The following FSCN3 variants were observed in gnomAD, a reference collection of about 807,000 sequenced individuals.
The protein encoded by FSCN3 is fascin actin-bundling protein 3.
FSCN3 carries 43 observed loss-of-function variants against 53.5 expected under a neutral mutation model. That is an observed-to-expected ratio of 0.80 (90% CI 0.63 to 1.04). The LOEUF is 1.04. FSCN3 is among the 50% of genes least tolerant of loss of function. The pLI is 0.00. For synonymous variants in FSCN3, 235 were observed against 246.6 expected, an observed-to-expected ratio of 0.95 and a Z score of 0.44; for missense variants, 594 against 646.5, an observed-to-expected ratio of 0.92 and a Z score of 0.88.
Position 127,594,084 on chromosome 7 carries a change from GTGTA to G in FSCN3, c.144+91_144+94del, listed in dbSNP as rs376917622. 4.7e-3 allele frequency: 5,737 copies of G among 1,218,070 alleles called. 146 individuals carry two copies. The highest frequency in any genetic ancestry group is 0.033 in the East Asian group (843 of 25,594). 75.5% of individuals were successfully genotyped at this position (1,218,070 alleles called of 1,614,324 possible). On this transcript the variant is annotated intron_variant, in intron 1 of 6. Coordinates refer to ENST00000265825, the MANE Select transcript of FSCN3 (RefSeq NM_020369.3). The stretch of plus-strand genomic sequence containing the variant: ...TGCGCGCGCGCGTGTGTGTGCGTGA[GTGTA>G]TGTGTGTGTGTGTGTGTATGTACTT...
In FSCN3 at chr7:127,600,324, C is replaced by T. The variant is rs934178700; in HGVS notation, c.1422C>T (p.Tyr474=). 1.2e-6 allele frequency: 2 copies of T among 1,612,972 alleles called. No homozygotes were observed. The highest frequency in any genetic ancestry group is 2.7e-5 in the African/African-American group (2 of 75,048). Residue 474 remains tyrosine (Y), a synonymous_variant, in exon 6 of 7, where the codon TAC becomes TAT. Coordinates refer to ENST00000265825, the MANE Select transcript of FSCN3 (RefSeq NM_020369.3). ...LLTVLAPNGF[Y]MRADQSGTLL... ...CTGTACTGGCCCCCAATGGCTTCTA[C>T]ATGCGAGCCGACCAAAGTGGCACCC...
chr7:127,598,234 G>A (rs114203378), intron 3 of FSCN3, among the ~76,000 whole-genome samples: 147 of 152,188 alleles, frequency 9.7e-4, no homozygotes, highest in African/African-American at 3.4e-3. Flanking sequence ...CTGTGCTCTG[G>A]GATACAGCAC....
intron 2 of FSCN3, 72 bp downstream of exon 2, chr7:127,596,075 T>C (rs1388526274): frequency 1.3e-6 from 2 of 1,494,018 alleles, no homozygotes; most frequent in African/African-American, 1.4e-5. Flanking sequence ...GTGTTTGGGA[T>C]CAGCACAGAT....
At chr7:127,594,582 A>T (rs766372246) in intron 1 of FSCN3, 5 of 471,012 alleles carry the variant, frequency 1.1e-5, no homozygotes, top group African/African-American at 2.0e-5. Flanking sequence ...CAGGTGGGAA[A>T]GCAGAATTGT....
chr7:127,596,128 A>G, intron 2 of FSCN3, 125 bp downstream of exon 2: 1 of 1,487,398 alleles, frequency 6.7e-7, no homozygotes, highest in Non-Finnish European at 8.9e-7. Flanking sequence ...ACCCAAGGGG[A>G]TCTTTTGTGC....
Position 127,600,482 on chromosome 7 carries a change from G to A in FSCN3, c.*83G>A. 5.0e-6 allele frequency: 4 copies of A among 802,976 alleles called. 1 individual carries two copies. The South Asian group carries it at 6.2e-5, about 12-fold the overall frequency. The allele number at this position is 802,976 out of a possible 1,614,324, so 49.7% of individuals were successfully genotyped here. A position where few individuals can be genotyped will look rare whatever the true frequency, so the allele number is the denominator to read the frequency against. ...AAGGGAGGTGGGTGGGGAGGCATGT[G>A]ATGGGAAGACCAAAATGCACTCCCA... On this transcript the variant is annotated intron_variant, in intron 6 of 6. Coordinates refer to ENST00000265825, the MANE Select transcript of FSCN3 (RefSeq NM_020369.3).
intron 2 of FSCN3, 26 bp from the exon 3 acceptor site, chr7:127,596,302 T>C (rs892010770): frequency 7.0e-6 from 11 of 1,566,766 alleles, no homozygotes; most frequent in Middle Eastern, 1.7e-4. Flanking sequence ...AGGGGAGGCT[T>C]TTACTGACAT....
At chr7:127,596,683 T>C (rs1219689036) in intron 3 of FSCN3, 2 of 270,268 alleles carry the variant, frequency 7.4e-6, no homozygotes, top group Admixed American at 1.0e-4. Flanking sequence ...ATGTATAAAT[T>C]ATGTATATTA....
At chr7:127,594,543 T>C (rs932061950) in intron 1 of FSCN3, 18 of 470,958 alleles carry the variant, frequency 3.8e-5, no homozygotes, top group African/African-American at 3.6e-4. Context: ...ACAGGGTGGT[T>C]GTGTCAGAAA....
intron 3 of FSCN3, 193 bp downstream of exon 3, chr7:127,596,639 T>C (rs1794394111): frequency 5.1e-6 from 2 of 391,418 alleles, no homozygotes; most frequent in African/African-American, 2.1e-5. Flanking sequence ...TATTAAGGTA[T>C]AATTTGAAAG....
chr7:127,596,975 A>G (rs2117429463), intron 3 of FSCN3, among the ~76,000 whole-genome samples: 1 of 152,386 alleles, frequency 6.6e-6, no homozygotes, highest in Middle Eastern at 3.4e-3. Flanking sequence ...AACATACAGT[A>G]TGTATGGTAC....
At chr7:127,594,802 A>G (rs550715883) in intron 1 of FSCN3, 47 of 471,558 alleles carry the variant, frequency 1.0e-4, no homozygotes, top group Non-Finnish European at 1.8e-4. Flanking sequence ...TGAACCAGGC[A>G]GTTGCATCTG....
At chr7:127,595,230 C>T (rs1466937236) in intron 1 of FSCN3, 77 bp from the exon 2 acceptor site, 2 of 1,299,622 alleles carry the variant, frequency 1.5e-6, no homozygotes, top group East Asian at 4.6e-5. Flanking sequence ...GTGATACCAG[C>T]CATGACAGTT....
chr7:127,599,861 C>T (rs1042782830), intron 5 of FSCN3, among the ~76,000 whole-genome samples: 3 of 150,746 alleles, frequency 2.0e-5, no homozygotes, highest in East Asian at 2.0e-4. Context: ...AGGAGAATGG[C>T]GTGAACCCAG....
Position 127,596,364 on chromosome 7 carries a change from G to T in FSCN3, c.878G>T (p.Arg293Leu). The change falls in exon 3 of 7, where the codon CGA becomes CTA. Residue 293 changes from arginine (R) to leucine (L), a missense_variant. Transcript: ENST00000265825. Reference protein sequence around the residue: ...EVRAASERLNRMSLFQFECDS... With the variant: ...EVRAASERLNLMSLFQFECDS... ...CGTGCTGCTTCTGAGCGCTTAAACCGAATGTCCTTGTTCCAGTTTGAATGT... is the reference window on the plus strand; with the variant it reads ...CGTGCTGCTTCTGAGCGCTTAAACCTAATGTCCTTGTTCCAGTTTGAATGT... 1 of 1,613,252 alleles carries T rather than the reference G, an allele frequency of 6.2e-7. No individual in the cohort carries two copies. Among genetic ancestry groups the T allele is most frequent in the South Asian group, 1.1e-5 (1 of 91,066 alleles).
intron 6 of FSCN3, 66 bp downstream of exon 6, chr7:127,600,465 TGGGTGG>T: frequency 2.1e-6 from 2 of 974,340 alleles, no homozygotes; most frequent in Non-Finnish European, 3.3e-6. Flanking sequence ...AGAAGGGAGG[TGGGTGG>T]GGAGGCATGT....
intron 3 of FSCN3, 169 bp downstream of exon 3, chr7:127,596,615 A>G: frequency 4.8e-6 from 2 of 419,116 alleles, no homozygotes. Flanking sequence ...AAAAAAAAAA[A>G]CAAAAATCAA....
chr7:127,595,958 G>A lies in FSCN3; in HGVS notation c.796G>A (p.Val266Ile), dbSNP rs1794381963. 3 of 1,583,206 alleles carry A rather than the reference G, an allele frequency of 1.9e-6. No homozygotes were observed. The highest frequency in any genetic ancestry group is 2.6e-6 in the Non-Finnish European group (3 of 1,163,330). The change falls in exon 2 of 7, where the codon GTC (valine) becomes ATC (isoleucine). Residue 266 changes from valine (V) to isoleucine (I), a missense_variant. Val to Ile is a conservative substitution (Grantham distance 29). Transcript: ENST00000265825. ...CATCCTACAGCACTGCCCAACCTGG[G>A]TCAGCCTCAGGTCAAAGACTGGGCG... ...WFILQHCPTW[V>I]SLRSKTGRFI...
At chr7:127,598,778 C>T (rs548834398) in intron 4 of FSCN3, among the ~76,000 whole-genome samples, 184 bp downstream of exon 4, 32 of 152,088 alleles carry the variant, frequency 2.1e-4, no homozygotes, top group African/African-American at 6.3e-4. Flanking sequence ...AGCCTGACCA[C>T]GTGAAACCCC....
Sources: gnomAD v4.1 joint callset for allele counts (sites outside exome capture counted in the v4.1 genomes callset) on GRCh38, gnomAD v4.1.1 for gene constraint, MANE v1.5 for transcripts, NCBI Gene and HGNC (gene_info 2026-07-23, HGNC 2026-07-21) for gene names.